Variants in PTPRD observed in about 807,000 individuals in gnomAD.
PTPRD encodes the protein receptor-type tyrosine-protein phosphatase delta.
A neutral mutation model predicts 214.5 loss-of-function variants in PTPRD; 34 were observed. The ratio of observed to expected loss-of-function variants is 0.16; its 90% CI spans 0.12 to 0.21. The LOEUF (loss-of-function observed/expected upper bound fraction) is 0.21, where lower values mean the gene tolerates loss of function less well. Ranked by LOEUF, PTPRD falls within the 10% of genes least tolerant of loss-of-function variation. The pLI, the probability that PTPRD is intolerant of heterozygous loss-of-function variation, is 1.00. For missense variants in PTPRD, 2,545 were observed against 2,398.7 expected (o/e 1.06, Z -1.27); for synonymous variants, 1,128 against 845.7 (o/e 1.33, Z -5.79).
At chr9:9,683,054 G>C (rs1489883089) in intron 7 of PTPRD, among the ~76,000 whole-genome samples, 1 of 151,812 alleles carries the variant, frequency 6.6e-6, no homozygotes. Context: ...TATTTTGAAA[G>C]ATAGGGGACT....
At chr9:9,831,677 C>T (rs981553446) in intron 5 of PTPRD, among the ~76,000 whole-genome samples, 28 of 152,080 alleles carry the variant, frequency 1.8e-4, no homozygotes, top group African/African-American at 6.7e-4. Flanking sequence ...ACCTGAAGAG[C>T]TGATTACAGG....
intron 2 of PTPRD, among the ~76,000 whole-genome samples, chr9:10,469,316 T>C (rs917006989): frequency 2.6e-5 from 4 of 152,154 alleles, no homozygotes; most frequent in Non-Finnish European, 5.9e-5. Context: ...TTTATAAAAG[T>C]GTCTAAACTA....
At chr9:10,210,796 C>CATAT (rs35136618) in intron 3 of PTPRD, among the ~76,000 whole-genome samples, 5,710 of 75,582 alleles carry the variant, frequency 0.076, 235 homozygotes, top group Non-Finnish European at 0.093. Flanking sequence ...CAAAAAACTT[C>CATAT]ATATATATAT....
At chr9:9,055,149 C>A (rs1436539160) in intron 10 of PTPRD, among the ~76,000 whole-genome samples, 1 of 151,988 alleles carries the variant, frequency 6.6e-6, no homozygotes, top group African/African-American at 2.4e-5. Flanking sequence ...AGATGTAAAC[C>A]TAGACAAACC....
intron 11 of PTPRD, among the ~76,000 whole-genome samples, chr9:8,752,043 C>A (rs1347249030): frequency 6.6e-6 from 1 of 152,148 alleles, no homozygotes; most frequent in Non-Finnish European, 1.5e-5. Context: ...TGCATGGTCC[C>A]TTCCACTTGC....
intron 8 of PTPRD, among the ~76,000 whole-genome samples, chr9:9,404,397 G>C (rs552507108): frequency 6.6e-6 from 1 of 152,074 alleles, no homozygotes; most frequent in Non-Finnish European, 1.5e-5. Flanking sequence ...GATTGGTATA[G>C]ATCTGGAATA....
intron 4 of PTPRD, among the ~76,000 whole-genome samples, chr9:10,029,633 C>T (rs2097014002): frequency 6.6e-6 from 1 of 152,174 alleles, no homozygotes; most frequent in African/African-American, 2.4e-5. Flanking sequence ...TTTGGAACGG[C>T]TGTATTTCCC....
intron 3 of PTPRD, among the ~76,000 whole-genome samples, chr9:10,047,956 A>C (rs1648132257): frequency 6.6e-6 from 1 of 152,170 alleles, no homozygotes; most frequent in African/African-American, 2.4e-5. Flanking sequence ...AGGATTACCA[A>C]ATAATCCTCA....
rs530389559 is a variant in PTPRD, at chr9:8,888,728, T to C, written c.-104+129969A>G. ...GATGAGCTAATGGTGTGTGTGAAGA[T>C]GTTTCTCCTGGGAACCGTCATGAGT... On this transcript the variant is annotated intron_variant, in intron 11 of 45. Coordinates refer to ENST00000381196, the MANE Select transcript of PTPRD (RefSeq NM_002839.4). Among the ~76,000 whole-genome samples the C allele has an allele frequency of 2.6e-5, 4 of 152,308 alleles. No homozygotes were observed. The East Asian group carries it at 7.7e-4, about 29-fold the overall frequency.
At chr9:8,609,130 T>A (rs2095349303) in intron 14 of PTPRD, among the ~76,000 whole-genome samples, 1 of 152,218 alleles carries the variant, frequency 6.6e-6, no homozygotes, top group Admixed American at 6.5e-5. Flanking sequence ...GTCTCCTCAA[T>A]GAATGTAATT....
intron 8 of PTPRD, among the ~76,000 whole-genome samples, chr9:9,453,636 A>G (rs547143178): frequency 6.6e-6 from 1 of 151,866 alleles, no homozygotes; most frequent in Non-Finnish European, 1.5e-5. Context: ...TATGAGGTGT[A>G]TATGTTTGTT....
chr9:9,174,841 T>C (rs1453433909), intron 10 of PTPRD, among the ~76,000 whole-genome samples: 1 of 152,050 alleles, frequency 6.6e-6, no homozygotes, highest in Non-Finnish European at 1.5e-5. Context: ...GACCGTGAGA[T>C]TTGCTTTGGA....
At chr9:8,383,161 ATGTTTG>A (rs2085711114) in intron 37 of PTPRD, among the ~76,000 whole-genome samples, 1 of 152,234 alleles carries the variant, frequency 6.6e-6, no homozygotes, top group Non-Finnish European at 1.5e-5. Flanking sequence ...AAAGAAGAAA[ATGTTTG>A]AGCACAATCT....
chr9:10,490,259 C>T (rs2039758581), intron 2 of PTPRD, among the ~76,000 whole-genome samples: 1 of 151,998 alleles, frequency 6.6e-6, no homozygotes, highest in South Asian at 2.1e-4. Context: ...CATACAATTG[C>T]AAAAGCAGTG....
rs915884498 is a variant in PTPRD, at chr9:8,714,891, A to G, written c.64+18889T>C. On this transcript the variant is annotated intron_variant, in intron 12 of 45. Coordinates refer to ENST00000381196, the MANE Select transcript of PTPRD (RefSeq NM_002839.4). ...TTGTATTGTTTATTATATTGTATTTATTGTTCAATTTCATAATTTAGAGCC... is the reference window on the plus strand; with the variant it reads ...TTGTATTGTTTATTATATTGTATTTGTTGTTCAATTTCATAATTTAGAGCC... 3.9e-5 allele frequency among the ~76,000 whole-genome samples: 6 copies of G among 151,990 alleles called. No homozygotes were observed. The South Asian group carries it at 1.0e-3, about 26-fold the overall frequency.
chr9:9,415,451 A>G (rs1569568114), intron 8 of PTPRD, among the ~76,000 whole-genome samples: 1 of 152,142 alleles, frequency 6.6e-6, no homozygotes, highest in Non-Finnish European at 1.5e-5. Context: ...TCCAGCCTGG[A>G]TGACAGAGCA....
chr9:9,924,680 T>C (rs2083650415), intron 5 of PTPRD, among the ~76,000 whole-genome samples: 1 of 152,100 alleles, frequency 6.6e-6, no homozygotes, highest in South Asian at 2.1e-4. Context: ...CCATCTCCTA[T>C]CACAAGGAGT....
chr9:8,454,712 A>T (rs2096111674), intron 33 of PTPRD: 2 of 1,031,416 alleles, frequency 1.9e-6, no homozygotes, highest in Non-Finnish European at 2.9e-6. Flanking sequence ...GCAAGGACAC[A>T]TAACTGACAT....
intron 3 of PTPRD, among the ~76,000 whole-genome samples, chr9:10,313,474 T>C (rs1193268911): frequency 6.6e-6 from 1 of 151,902 alleles, no homozygotes; most frequent in Non-Finnish European, 1.5e-5. Flanking sequence ...TTCACAGTGC[T>C]ACTAGAATAG....
Sources: gnomAD v4.1 joint callset for allele counts (sites outside exome capture counted in the v4.1 genomes callset) on GRCh38, gnomAD v4.1.1 for gene constraint, MANE v1.5 for transcripts, NCBI Gene and HGNC (gene_info 2026-07-23, HGNC 2026-07-21) for gene names.